The following ANKRD55 variants were observed in gnomAD, a reference collection of about 807,000 sequenced individuals.
ANKRD55 encodes the protein ankyrin repeat domain-containing protein 55.
ANKRD55 carries 41 observed loss-of-function variants against 60.6 expected under a neutral mutation model. The observed-to-expected ratio is 0.68, with a 90% CI of 0.53 to 0.88. ANKRD55 has a LOEUF of 0.88. Among genes scored for constraint, ANKRD55 ranks in the 40% least tolerant of loss-of-function variants. ANKRD55 has a pLI of 0.00. For synonymous variants in ANKRD55, 264 were observed against 290.3 expected (o/e 0.91, Z 0.92); for missense variants, 732 against 767.6 (o/e 0.95, Z 0.55).
intron 3 of ANKRD55, among the ~76,000 whole-genome samples, chr5:56,182,784 T>A (rs1411727516): frequency 1.3e-5 from 2 of 152,232 alleles, no homozygotes; most frequent in Admixed American, 1.3e-4. Context: ...GCATTAGAAA[T>A]CCAGGTTTCC....
At chr5:56,110,768 C>G (rs1756665402) in intron 10 of ANKRD55, 1 of 250,852 alleles carries the variant, frequency 4.0e-6, no homozygotes, top group Admixed American at 5.0e-5. Context: ...TAAAAACAAT[C>G]ACACAAACAA....
rs1480556220 is a variant in ANKRD55 at position 56,111,113 on chromosome 5, A to G, written c.1630+5T>C. 1.8e-5 allele frequency: 29 copies of G among 1,610,422 alleles called. No homozygotes were observed. Among genetic ancestry groups the G allele is most frequent in the Non-Finnish European group, 2.0e-5 (23 of 1,177,926 alleles). The stretch of plus-strand genomic sequence containing the variant: ...TGAGAATGAACATGAAATCAAGGAC[A>G]TTACCTGATGATGGATTATGTAGAT... On this transcript the variant is annotated splice_donor_5th_base_variant and intron_variant, in intron 10 of 11. Coordinates refer to ENST00000341048, the MANE Select transcript of ANKRD55 (RefSeq NM_024669.3).
At chr5:56,192,962 G>A in intron 2 of ANKRD55, 1 of 699,360 alleles carries the variant, frequency 1.4e-6, no homozygotes, top group Non-Finnish European at 2.3e-6. Context: ...AACCAAAGCA[G>A]GCAGAGATGA....
At chr5:56,125,376 G>T (rs1254037015) in intron 8 of ANKRD55, among the ~76,000 whole-genome samples, 1 of 151,790 alleles carries the variant, frequency 6.6e-6, no homozygotes, top group South Asian at 2.1e-4. Context: ...TGCCTCTTGG[G>T]TTCAAGCGAT....
rs1163688682 is a variant in ANKRD55, at chr5:56,173,576, CTCTCTCTA to C, written c.312+2568_312+2575del. Among the ~76,000 whole-genome samples, 198 of 85,382 alleles carry C rather than the reference CTCTCTCTA, an allele frequency of 2.3e-3. 1 individual carries two copies. The highest frequency in any genetic ancestry group is 6.8e-3 in the African/African-American group (132 of 19,478). The allele number at this position is 85,382 out of a possible 152,430, so 56.0% of individuals were successfully genotyped here. A position where few individuals can be genotyped will look rare whatever the true frequency, so the allele number is the denominator to read the frequency against. Reference sequence around the variant, plus strand: ...TCTCTCTCTCTCTCTCTCTCTCTCTCTCTCTCTATATATATATATATATATATATATCT... The same window carrying C: ...TCTCTCTCTCTCTCTCTCTCTCTCTCTATATATATATATATATATATATCT... On this transcript the variant is annotated intron_variant, in intron 4 of 11. Transcript: ENST00000341048.
intron 7 of ANKRD55, chr5:56,137,117 T>G (rs557909299): frequency 1.2e-5 from 15 of 1,212,906 alleles, no homozygotes; most frequent in Non-Finnish European, 1.8e-5. Context: ...CCACAAAGTA[T>G]CTGAAAGATG....
intron 7 of ANKRD55, among the ~76,000 whole-genome samples, chr5:56,129,418 G>A (rs1184816747): frequency 4.6e-5 from 7 of 152,192 alleles, no homozygotes; most frequent in East Asian, 1.9e-4. Context: ...TTTTGTTCAT[G>A]AGTAATCCAT....
chr5:56,167,060 C>G (rs977685742), intron 5 of ANKRD55, among the ~76,000 whole-genome samples: 12 of 152,180 alleles, frequency 7.9e-5, no homozygotes, highest in Non-Finnish European at 1.5e-5. Context: ...GTAATTTTAA[C>G]AATGTAATTC....
intron 10 of ANKRD55, 196 bp downstream of exon 10, chr5:56,110,921 GA>G: frequency 4.9e-6 from 3 of 616,710 alleles, no homozygotes; most frequent in Non-Finnish European, 8.4e-6. Context: ...ATTACTTGAA[GA>G]GGGGAGAAGC....
intron 7 of ANKRD55, among the ~76,000 whole-genome samples, chr5:56,135,339 CTTTCTTTCTTTCTTTCT>C (rs1368471813): frequency 0.013 from 254 of 19,478 alleles, 17 homozygotes; most frequent in South Asian, 0.031. Flanking sequence ...TTCTTTCTTT[CTTTCTTTCTTTCTTTCT>C]TTCTTTCTTT....
intron 2 of ANKRD55, among the ~76,000 whole-genome samples, chr5:56,219,273 CAAA>C (rs35909700): frequency 5.2e-5 from 5 of 97,034 alleles, no homozygotes; most frequent in Admixed American, 3.5e-4. Context: ...ACTCTGCCTC[CAAA>C]AAAAAAAAAA....
chr5:56,159,905 A>C lies in ANKRD55; in HGVS notation c.423-12T>G. 1.2e-6 allele frequency: 2 copies of C among 1,612,378 alleles called. No homozygotes were observed. The highest frequency in any genetic ancestry group is 1.1e-5 in the South Asian group (1 of 91,008). On this transcript the variant is annotated splice_polypyrimidine_tract_variant and intron_variant, in intron 5 of 11. Coordinates refer to ENST00000341048, the MANE Select transcript of ANKRD55 (RefSeq NM_024669.3). The stretch of plus-strand genomic sequence containing the variant: ...GGACCGTGAGGAGCCTGTAAGGAAA[A>C]AATAGGAGAAATGGCTCAAAATAAC...
intron 2 of ANKRD55, among the ~76,000 whole-genome samples, chr5:56,219,985 A>G (rs1434308159): frequency 6.6e-6 from 1 of 152,224 alleles, no homozygotes; most frequent in Non-Finnish European, 1.5e-5. Flanking sequence ...GTTAGTGAGT[A>G]GAGATGACAG....
chr5:56,106,892 G>A (rs539859781), intron 10 of ANKRD55, among the ~76,000 whole-genome samples: 31 of 151,718 alleles, frequency 2.0e-4, no homozygotes, highest in Non-Finnish European at 3.1e-4. Context: ...TGTGTCTGTA[G>A]TTCCAGTTAC....
At chr5:56,130,288 C>T (rs1757374919) in intron 7 of ANKRD55, among the ~76,000 whole-genome samples, 1 of 152,126 alleles carries the variant, frequency 6.6e-6, no homozygotes, top group Admixed American at 6.5e-5. Flanking sequence ...TTTATCAGAG[C>T]CTAATTGACC....
chr5:56,170,569 T>G, intron 5 of ANKRD55, 125 bp downstream of exon 5: 1 of 681,388 alleles, frequency 1.5e-6, no homozygotes, highest in African/African-American at 2.8e-5. Flanking sequence ...TGCTGCAACT[T>G]CAAAAAAAAA....
At chr5:56,133,392 T>C (rs1757477609) in intron 7 of ANKRD55, among the ~76,000 whole-genome samples, 1 of 147,760 alleles carries the variant, frequency 6.8e-6, no homozygotes. Context: ...TGAGCCGAGA[T>C]TGTGCCACTG....
chr5:56,144,570 G>C (rs1757851311), intron 6 of ANKRD55, among the ~76,000 whole-genome samples: 1 of 152,112 alleles, frequency 6.6e-6, no homozygotes, highest in Non-Finnish European at 1.5e-5. Flanking sequence ...ATCCTGGGAG[G>C]GTGGGATGGG....
intron 7 of ANKRD55, among the ~76,000 whole-genome samples, chr5:56,142,448 G>A (rs914650378): frequency 6.6e-6 from 1 of 151,836 alleles, no homozygotes; most frequent in African/African-American, 2.4e-5. Context: ...TGATTCCATC[G>A]CAAGGCCAGG....
Sources: allele counts gnomAD v4.1 joint callset (sites outside exome capture counted in the v4.1 genomes callset), GRCh38; gene constraint gnomAD v4.1.1; transcripts MANE v1.5; gene names NCBI Gene and HGNC (gene_info 2026-07-23, HGNC 2026-07-21).